Variants in GLRA2 observed in about 807,000 individuals in gnomAD.
GLRA2 encodes the protein glycine receptor alpha 2, also known as glycine receptor subunit alpha-2.
A neutral mutation model predicts 31.6 loss-of-function variants in GLRA2; 11 were observed. The ratio of observed to expected loss-of-function variants is 0.35; its 90% CI spans 0.22 to 0.58. The LOEUF is 0.58. Ranked by LOEUF, GLRA2 falls within the 20% of genes least tolerant of loss-of-function variation. The pLI is 0.84. For synonymous variants in GLRA2, 132 were observed against 134.0 expected (o/e 0.99, Z 0.10); for missense variants, 212 against 351.8 (o/e 0.60, Z 3.18).
chrX:14,585,449 C>T (rs1044338347), intron 4 of GLRA2, among the ~76,000 whole-genome samples: 1 of 111,880 alleles, frequency 8.9e-6, no homozygotes, highest in African/African-American at 3.3e-5. Flanking sequence ...TGGCAGTTGG[C>T]ATCCACAGTC....
intron 7 of GLRA2, among the ~76,000 whole-genome samples, chrX:14,690,250 CAA>C (rs1205368776): frequency 9.0e-6 from 1 of 111,500 alleles, no homozygotes; most frequent in African/African-American, 3.3e-5. Context: ...TATTTTGCCT[CAA>C]AGTTTTGTTT....
At chrX:14,552,241 C>A (rs1353023343) in intron 2 of GLRA2, among the ~76,000 whole-genome samples, 1 of 111,612 alleles carries the variant, frequency 9.0e-6, no homozygotes, top group Admixed American at 9.5e-5. Flanking sequence ...GGAATTATGT[C>A]ATGGAGATTA....
intron 7 of GLRA2, among the ~76,000 whole-genome samples, chrX:14,676,756 A>G (rs1359540542): frequency 8.9e-6 from 1 of 112,328 alleles, no homozygotes; most frequent in African/African-American, 3.2e-5. Flanking sequence ...AACACAGACA[A>G]AACAAATTGT....
the GLRA2 span, among the ~76,000 whole-genome samples, chrX:14,504,271 A>C: frequency 8.9e-6 from 1 of 112,141 alleles, no homozygotes; most frequent in Admixed American, 9.4e-5. Flanking sequence ...TTCACATGAT[A>C]GCTGAACTTA....
At chrX:14,560,889 TAC>T (rs755844328) in intron 2 of GLRA2, among the ~76,000 whole-genome samples, 1 of 107,073 alleles carries the variant, frequency 9.3e-6, no homozygotes, top group Admixed American at 1.0e-4. Flanking sequence ...TATATATACA[TAC>T]ACACACATAA....
intron 8 of GLRA2, among the ~76,000 whole-genome samples, chrX:14,720,288 C>G (rs1332496239): frequency 9.0e-6 from 1 of 111,162 alleles, no homozygotes; most frequent in Non-Finnish European, 1.9e-5. Flanking sequence ...GAAATACCAC[C>G]CTTACCTCAT....
intron 7 of GLRA2, among the ~76,000 whole-genome samples, chrX:14,690,266 T>G (rs1299415829): frequency 8.9e-6 from 1 of 112,221 alleles, no homozygotes; most frequent in Non-Finnish European, 1.9e-5. Flanking sequence ...TTTGTTTTTC[T>G]TGTCTAATTA....
At chrX:14,703,935 C>T (rs1194149104) in intron 8 of GLRA2, among the ~76,000 whole-genome samples, 2 of 111,882 alleles carry the variant, frequency 1.8e-5, no homozygotes, top group African/African-American at 3.3e-5. Context: ...TGTTGCCTCC[C>T]AAGTAAACCT....
chrX:14,536,536 G>C (rs887291943), intron 2 of GLRA2, among the ~76,000 whole-genome samples: 13 of 112,204 alleles, frequency 1.2e-4, no homozygotes, highest in Admixed American at 8.5e-4. Context: ...AAGCCTACAG[G>C]CACCTGAAAA....
At chrX:14,463,694 C>T in the GLRA2 span, among the ~76,000 whole-genome samples, 1 of 110,559 alleles carries the variant, frequency 9.0e-6, no homozygotes, top group Non-Finnish European at 1.9e-5. Flanking sequence ...AGGAGGGGAT[C>T]TCCTGTTCTG....
chrX:14,590,684 G>A (rs1243403366), intron 4 of GLRA2, among the ~76,000 whole-genome samples: 1 of 111,682 alleles, frequency 9.0e-6, no homozygotes, highest in African/African-American at 3.3e-5. Flanking sequence ...ATTTCTTTTC[G>A]CTGTGCATAT....
chrX:14,729,411 A>G (rs779830603), intron 8 of GLRA2, among the ~76,000 whole-genome samples: 2 of 111,242 alleles, frequency 1.8e-5, no homozygotes, highest in African/African-American at 3.3e-5. Context: ...CCCAGATCCC[A>G]TACATTTTTC....
chrX:14,550,841 C>T (rs1369443026), intron 2 of GLRA2, among the ~76,000 whole-genome samples: 4 of 111,970 alleles, frequency 3.6e-5, no homozygotes, highest in Admixed American at 9.5e-5. Flanking sequence ...AAAAGATGAA[C>T]AGAAGTAAAG....
chrX:14,455,329 T>A, the GLRA2 span, among the ~76,000 whole-genome samples: 1 of 111,554 alleles, frequency 9.0e-6, no homozygotes, highest in Non-Finnish European at 1.9e-5. Flanking sequence ...ATGGAACGAG[T>A]GTCAGCATGA....
rs1467121804 is a variant in GLRA2 at position 14,529,970 on chromosome X, T to C, written c.-88T>C. Reference sequence around the variant, plus strand: ...AAGGAAACTAGGTTCCTGCCAAATTTTGAATCTGGACAATAAACAGACACT... The same window carrying C: ...AAGGAAACTAGGTTCCTGCCAAATTCTGAATCTGGACAATAAACAGACACT... On this transcript the variant is annotated 5_prime_UTR_variant, in exon 1 of 9. Coordinates refer to ENST00000218075, the MANE Select transcript of GLRA2 (RefSeq NM_002063.4). The C allele has an allele frequency of 1.4e-6, 1 of 726,713 alleles. No homozygotes were observed. The highest frequency in any genetic ancestry group is 2.1e-5 in the African/African-American group (1 of 47,699). The allele number at this position is 726,713 out of a possible 1,213,427, so 59.9% of individuals were successfully genotyped here. A position where few individuals can be genotyped will look rare whatever the true frequency, so the allele number is the denominator to read the frequency against.
intron 3 of GLRA2, among the ~76,000 whole-genome samples, chrX:14,576,524 C>T (rs776720857): frequency 2.0e-4 from 22 of 111,657 alleles, no homozygotes; most frequent in Admixed American, 7.6e-4. Context: ...AATATTTGCA[C>T]GACCTAATGC....
intron 8 of GLRA2, among the ~76,000 whole-genome samples, chrX:14,706,300 C>T (rs1331069693): frequency 8.9e-6 from 1 of 111,987 alleles, no homozygotes; most frequent in African/African-American, 3.2e-5. Context: ...TTCACTAGCA[C>T]ATTAAAGCTT....
At chrX:14,531,266 G>C in intron 1 of GLRA2, 1 of 425,742 alleles carries the variant, frequency 2.3e-6, no homozygotes. Context: ...CCCCTTCTTT[G>C]AAAAGCTGGC....
chrX:14,563,384 C>T (rs2089758549), intron 2 of GLRA2, among the ~76,000 whole-genome samples: 1 of 112,206 alleles, frequency 8.9e-6, no homozygotes, highest in Non-Finnish European at 1.9e-5. Context: ...CTATAGTGAC[C>T]ACACATGAGA....
Sources: gnomAD v4.1 joint callset for allele counts (sites outside exome capture counted in the v4.1 genomes callset) on GRCh38, gnomAD v4.1.1 for gene constraint, MANE v1.5 for transcripts, NCBI Gene and HGNC (gene_info 2026-07-23, HGNC 2026-07-21) for gene names.